SCN9A: variants seen among roughly 807,000 people sequenced by gnomAD.
The protein encoded by SCN9A is sodium voltage-gated channel alpha subunit 9, also known as sodium channel protein type 9 subunit alpha.
Under a neutral mutation model 187.0 loss-of-function variants are expected in SCN9A, and 131 were observed. The observed-to-expected ratio is 0.70, with a 90% CI of 0.61 to 0.81. The LOEUF is 0.81. Ranked by LOEUF, SCN9A falls within the 30% of genes least tolerant of loss-of-function variation. SCN9A has a pLI of 0.00. For missense variants in SCN9A, 2,252 were observed against 2,396.6 expected, an observed-to-expected ratio of 0.94 and a Z score of 1.26; for synonymous variants, 809 against 808.6, an observed-to-expected ratio of 1.00 and a Z score of -0.01.
chr2:166,263,408 C>A (rs1197587232), intron 17 of SCN9A, among the ~76,000 whole-genome samples: 1 of 151,970 alleles, frequency 6.6e-6, no homozygotes, highest in Non-Finnish European at 1.5e-5. Context: ...AAATCCCAAC[C>A]TATCTACAAC....
At chr2:166,344,824 G>A (rs1177976222) in intron 1 of SCN9A, among the ~76,000 whole-genome samples, 1 of 152,144 alleles carries the variant, frequency 6.6e-6, no homozygotes, top group Non-Finnish European at 1.5e-5. Flanking sequence ...ATGATTAGAT[G>A]AGAAAACCCA....
chr2:166,242,955 G>A (rs930769475), intron 18 of SCN9A, among the ~76,000 whole-genome samples: 1 of 152,010 alleles, frequency 6.6e-6, no homozygotes, highest in South Asian at 2.1e-4. Context: ...TTTTATGTGT[G>A]AATGAATGAA....
intron 1 of SCN9A, among the ~76,000 whole-genome samples, chr2:166,357,263 T>C (rs184404793): frequency 1.3e-5 from 2 of 152,294 alleles, no homozygotes; most frequent in African/African-American, 4.8e-5. Context: ...TGCTTCAGAG[T>C]GAAATTGCTG....
rs929744463 is a variant in SCN9A, at chr2:166,311,763, A to T, written c.-7T>A. The T allele has an allele frequency of 2.2e-5, 35 of 1,583,698 alleles. No individual in the cohort carries two copies. The highest frequency in any genetic ancestry group is 2.8e-5 in the Non-Finnish European group (33 of 1,162,064). On this transcript the variant is annotated 5_prime_UTR_variant, in exon 2 of 27. The change abolishes an upstream ATG in the 5' untranslated region. Transcript: ENST00000642356. Reference sequence around the variant, plus strand: ...GGGGAGGCAACATTGCCATCTTTTCATCCTGTATATTTTAATTCCTCTTCA... The same window carrying T: ...GGGGAGGCAACATTGCCATCTTTTCTTCCTGTATATTTTAATTCCTCTTCA...
chr2:166,372,990 T>A (rs1397713618), intron 1 of SCN9A, among the ~76,000 whole-genome samples: 1 of 152,146 alleles, frequency 6.6e-6, no homozygotes, highest in Non-Finnish European at 1.5e-5. Flanking sequence ...GACAACCTAC[T>A]TTTAACAAGA....
At position 166,211,516 on chromosome 2, in the gene SCN9A, T is replaced by C. The variant is rs1031095248; in HGVS notation, c.4399-7052A>G. Among the ~76,000 whole-genome samples, 13 of 66,558 alleles carry C rather than the reference T, an allele frequency of 2.0e-4. 1 individual carries two copies. The highest frequency in any genetic ancestry group is 0.018 in the Middle Eastern group (2 of 110). The allele number at this position is 66,558 out of a possible 152,430, so 43.7% of individuals were successfully genotyped here. A position where few individuals can be genotyped will look rare whatever the true frequency, so the allele number is the denominator to read the frequency against. ...AGAGAATACTGTAATACTCTAATAGTATTATATAAATCATTTATAATTCTA... is the reference window on the plus strand; with the variant it reads ...AGAGAATACTGTAATACTCTAATAGCATTATATAAATCATTTATAATTCTA... On this transcript the variant is annotated intron_variant, in intron 24 of 26. Coordinates refer to ENST00000642356, the MANE Select transcript of SCN9A (RefSeq NM_001365536.1).
At chr2:166,282,274 A>T (rs536977217) in intron 12 of SCN9A, among the ~76,000 whole-genome samples, 1 of 152,300 alleles carries the variant, frequency 6.6e-6, no homozygotes, top group African/African-American at 2.4e-5. Flanking sequence ...TGAGGGAACA[A>T]CATTAATGAA....
chr2:166,321,330 G>C (rs1192064848), intron 1 of SCN9A: 1 of 151,998 alleles, frequency 6.6e-6, no homozygotes, highest in East Asian at 1.9e-4. Flanking sequence ...GAACAGCATG[G>C]GCAACACAGT....
intron 18 of SCN9A, among the ~76,000 whole-genome samples, chr2:166,246,913 G>A (rs567627044): frequency 1.6e-4 from 25 of 151,914 alleles, no homozygotes; most frequent in Admixed American, 3.9e-4. Flanking sequence ...GTGATGGAGC[G>A]CCTGTCTGGT....
chr2:166,220,862 G>A (rs201111518), intron 24 of SCN9A, among the ~76,000 whole-genome samples: 10 of 143,984 alleles, frequency 6.9e-5, no homozygotes, highest in East Asian at 5.2e-4. Context: ...CAATCTGAAA[G>A]AAAAAAGTGT....
intron 7 of SCN9A, 169 bp from the exon 8 acceptor site, chr2:166,294,831 T>G (rs1370606967): frequency 4.3e-6 from 2 of 463,290 alleles, no homozygotes; most frequent in Admixed American, 3.9e-5. Context: ...CTCAAATATT[T>G]ATTGATAATC....
intron 20 of SCN9A, among the ~76,000 whole-genome samples, chr2:166,234,772 G>C (rs1213591131): frequency 6.6e-6 from 1 of 151,854 alleles, no homozygotes; most frequent in Non-Finnish European, 1.5e-5. Context: ...ATGTTTTGCT[G>C]TGGTTTGAAT....
intron 18 of SCN9A, among the ~76,000 whole-genome samples, chr2:166,244,702 G>C (rs892258110): frequency 4.7e-4 from 72 of 151,884 alleles, no homozygotes; most frequent in African/African-American, 1.5e-3. Context: ...CTGGATGCTG[G>C]TCTATTCTAT....
At chr2:166,270,543 C>A (rs1019803645) in intron 17 of SCN9A, among the ~76,000 whole-genome samples, 2 of 151,240 alleles carry the variant, frequency 1.3e-5, no homozygotes, top group East Asian at 1.9e-4. Flanking sequence ...TTTATTTAAT[C>A]ATTTATTCAC....
chr2:166,340,590 CTTT>C (rs1338918789), intron 1 of SCN9A, among the ~76,000 whole-genome samples: 22,076 of 97,680 alleles, frequency 0.23, 2,632 homozygotes, highest in African/African-American at 0.37. Flanking sequence ...TTCTTTCTTT[CTTT>C]CTTTCTTTCT....
rs1397861476 is a variant in SCN9A at position 166,308,045 on chromosome 2, T to C, written c.259-971A>G. ...GCTTTTTATTTGTATGCGGCAGCGT[T>C]CCCTCAAGAAAACAAATCAGAGTCT... On this transcript the variant is annotated intron_variant, in intron 2 of 26. Transcript: ENST00000642356. 3.3e-5 allele frequency among the ~76,000 whole-genome samples: 5 copies of C among 152,216 alleles called. No individual in the cohort carries two copies. The East Asian group carries it at 9.6e-4, about 29-fold the overall frequency.
At chr2:166,343,847 C>T (rs577967498) in intron 1 of SCN9A, among the ~76,000 whole-genome samples, 55 of 152,116 alleles carry the variant, frequency 3.6e-4, no homozygotes, top group African/African-American at 1.3e-3. Flanking sequence ...AGCAATTATC[C>T]CCATCTTCAT....
chr2:166,347,238 TG>T (rs1559054721), intron 1 of SCN9A, among the ~76,000 whole-genome samples: 1 of 152,230 alleles, frequency 6.6e-6, no homozygotes, highest in Non-Finnish European at 1.5e-5. Context: ...TATTCTCCTT[TG>T]GGATCTTTTA....
intron 24 of SCN9A, among the ~76,000 whole-genome samples, chr2:166,211,727 A>T (rs928451789): frequency 8.4e-6 from 1 of 119,368 alleles, no homozygotes; most frequent in Non-Finnish European, 1.8e-5. Flanking sequence ...CTATTATAAG[A>T]TATTTGTGAT....
Sources: allele counts gnomAD v4.1 joint callset (sites outside exome capture counted in the v4.1 genomes callset), GRCh38; gene constraint gnomAD v4.1.1; transcripts MANE v1.5; gene names NCBI Gene and HGNC (gene_info 2026-07-23, HGNC 2026-07-21).